GNAZ: variants seen among roughly 807,000 people sequenced by gnomAD.
The protein encoded by GNAZ is guanine nucleotide-binding protein G(z) subunit alpha.
In GNAZ, 3 loss-of-function variants were observed where a neutral mutation model predicts 25.4. That is an observed-to-expected ratio of 0.12 (90% CI 0.05 to 0.30). The LOEUF (loss-of-function observed/expected upper bound fraction) is 0.30, where lower values mean the gene tolerates loss of function less well. GNAZ is among the 10% of genes least tolerant of loss of function. GNAZ has a pLI of 1.00. For synonymous variants in GNAZ, 211 were observed against 205.7 expected (o/e 1.03, Z -0.22); for missense variants, 241 against 501.8 (o/e 0.48, Z 4.97).
intron 1 of GNAZ, among the ~76,000 whole-genome samples, chr22:23,072,041 A>G (rs1220548033): frequency 1.3e-5 from 2 of 152,108 alleles, no homozygotes; most frequent in South Asian, 4.1e-4. Context: ...AAGCAGTTCC[A>G]TGACCCCATG....
At chr22:23,101,243 C>T (rs114782378) in intron 2 of GNAZ, among the ~76,000 whole-genome samples, 185 of 151,624 alleles carry the variant, frequency 1.2e-3, no homozygotes, top group East Asian at 4.2e-3. Flanking sequence ...CTTCACATAC[C>T]GCAGGGCTGA....
chr22:23,094,277 G>A (rs1044748754), intron 1 of GNAZ, among the ~76,000 whole-genome samples: 5 of 152,148 alleles, frequency 3.3e-5, no homozygotes, highest in Non-Finnish European at 5.9e-5. Context: ...GCTCACAGCC[G>A]GGGAAGAAGC....
At chr22:23,097,907 C>T (rs1430081587) in intron 2 of GNAZ, among the ~76,000 whole-genome samples, 4 of 152,244 alleles carry the variant, frequency 2.6e-5, no homozygotes, top group South Asian at 2.1e-4. Context: ...GCAAATTCCC[C>T]GGGCACCAGG....
At chr22:23,111,285 C>T (rs908826806) in intron 2 of GNAZ, among the ~76,000 whole-genome samples, 1 of 152,216 alleles carries the variant, frequency 6.6e-6, no homozygotes, top group African/African-American at 2.4e-5. Flanking sequence ...AGAGGCTCTC[C>T]TGTGACGTGG....
intron 1 of GNAZ, among the ~76,000 whole-genome samples, chr22:23,074,777 C>A (rs2146251088): frequency 6.6e-6 from 1 of 152,238 alleles, no homozygotes; most frequent in East Asian, 1.9e-4. Context: ...AAGAGCGGGT[C>A]CCAGAGAGCA....
At chr22:23,096,989 G>C (rs1417849501) in intron 2 of GNAZ, among the ~76,000 whole-genome samples, 1 of 152,254 alleles carries the variant, frequency 6.6e-6, no homozygotes, top group Non-Finnish European at 1.5e-5. Context: ...GGGGAGCCGG[G>C]TGAAGCAGCA....
chr22:23,120,203 A>G (rs758458490), intron 2 of GNAZ, among the ~76,000 whole-genome samples: 1 of 152,180 alleles, frequency 6.6e-6, no homozygotes, highest in Non-Finnish European at 1.5e-5. Flanking sequence ...AGGGTCCCCA[A>G]GGTCCACTGA....
Position 23,095,624 on chromosome 22 carries a change from CAGTG to C in GNAZ, c.-71_-68del. Reference sequence around the variant, plus strand: ...AGCTGGGCTCTTGTCTGCCTGGTCTCAGTGTCCCCTGTGGCAAGAGGGAGAGGTG... The same window carrying C: ...AGCTGGGCTCTTGTCTGCCTGGTCTCTCCCCTGTGGCAAGAGGGAGAGGTG... On this transcript the variant is annotated 5_prime_UTR_variant, in exon 2 of 3. Coordinates refer to ENST00000615612, the MANE Select transcript of GNAZ (RefSeq NM_002073.4). The C allele has an allele frequency of 6.6e-7, 1 of 1,510,510 alleles. No homozygotes were observed. Among genetic ancestry groups the C allele is most frequent in the Non-Finnish European group, 8.9e-7 (1 of 1,126,144 alleles). 93.6% of individuals were successfully genotyped at this position (1,510,510 alleles called of 1,614,324 possible).
chr22:23,078,502 C>A (rs1038622697), intron 1 of GNAZ, among the ~76,000 whole-genome samples: 1 of 152,240 alleles, frequency 6.6e-6, no homozygotes, highest in Non-Finnish European at 1.5e-5. Context: ...TCTGTCGTGG[C>A]TCCTGGAGTG....
Position 23,124,449 on chromosome 22 carries a change from G to A in GNAZ, c.*1018G>A, listed in dbSNP as rs755421698. 3.6e-5 allele frequency: 17 copies of A among 467,870 alleles called. No individual in the cohort carries two copies. In the East Asian group the frequency reaches 4.2e-4, roughly 11 times the overall value. 29.0% of individuals were successfully genotyped at this position (467,870 alleles called of 1,614,324 possible). The stretch of plus-strand genomic sequence containing the variant: ...GTCCTGCGCCAGCCTCGCGGGACAC[G>A]TGTTGTACATAAGCCTCTGCAGTGT... On this transcript the variant is annotated 3_prime_UTR_variant, in exon 3 of 3. Transcript: ENST00000615612.
intron 2 of GNAZ, among the ~76,000 whole-genome samples, chr22:23,114,128 C>T (rs62220912): frequency 6.6e-6 from 1 of 152,222 alleles, no homozygotes; most frequent in African/African-American, 2.4e-5. Context: ...GCCTGGTACT[C>T]GGTGGCCCTG....
chr22:23,083,498 C>T (rs1483466322), intron 1 of GNAZ, among the ~76,000 whole-genome samples: 2 of 152,156 alleles, frequency 1.3e-5, no homozygotes, highest in African/African-American at 4.8e-5. Flanking sequence ...GGTGTTCCTC[C>T]ATCTATCCAT....
At chr22:23,122,805 A>G (rs2070069598) in intron 2 of GNAZ, 1 of 490,588 alleles carries the variant, frequency 2.0e-6, no homozygotes. Flanking sequence ...TGTAGCCCCA[A>G]AGCTATATGT....
chr22:23,118,560 G>A (rs1202721538), intron 2 of GNAZ, among the ~76,000 whole-genome samples: 3 of 150,280 alleles, frequency 2.0e-5, no homozygotes, highest in Non-Finnish European at 4.5e-5. Flanking sequence ...TGTGGCAGTT[G>A]GAAAATACCA....
chr22:23,089,854 C>T (rs2068917462), intron 1 of GNAZ, among the ~76,000 whole-genome samples: 1 of 152,208 alleles, frequency 6.6e-6, no homozygotes, highest in Non-Finnish European at 1.5e-5. Flanking sequence ...GATGGAGCTC[C>T]TTAAGAGCCT....
intron 2 of GNAZ, among the ~76,000 whole-genome samples, chr22:23,098,833 C>T (rs1412158847): frequency 3.9e-5 from 6 of 152,318 alleles, no homozygotes; most frequent in South Asian, 4.1e-4. Context: ...AGAGTGGTGC[C>T]GGCAGTGAGG....
intron 2 of GNAZ, 112 bp downstream of exon 2, chr22:23,096,530 A>G (rs1350489063): frequency 2.2e-5 from 25 of 1,145,776 alleles, no homozygotes; most frequent in Non-Finnish European, 3.1e-5. Flanking sequence ...AACCAGGCGC[A>G]GGCCTGGCCC....
Position 23,095,872 on chromosome 22 carries a change from C to A in GNAZ, c.177C>A (p.Gly59=). The A allele has an allele frequency of 6.2e-7, 1 of 1,613,692 alleles. No homozygotes were observed. Among genetic ancestry groups the A allele is most frequent in the South Asian group, 1.1e-5 (1 of 91,084 alleles). ...IVKQMKIIHS[G]GFNLEACKEY... is the part of the protein sequence containing the mutation. ...AACAGATGAAGATCATCCACAGCGGCGGCTTCAACCTGGAGGCCTGCAAGG... is the reference window on the plus strand; with the variant it reads ...AACAGATGAAGATCATCCACAGCGGAGGCTTCAACCTGGAGGCCTGCAAGG... Residue 59 remains glycine, a synonymous_variant, in exon 2 of 3, where the codon GGC becomes GGA. Coordinates refer to ENST00000615612, the MANE Select transcript of GNAZ (RefSeq NM_002073.4).
chr22:23,099,497 T>C (rs2069232109), intron 2 of GNAZ, among the ~76,000 whole-genome samples: 1 of 152,238 alleles, frequency 6.6e-6, no homozygotes. Flanking sequence ...AGGGGGTTTT[T>C]CTGGCGCACC....
Sources: gnomAD v4.1 joint callset for allele counts (sites outside exome capture counted in the v4.1 genomes callset) on GRCh38, gnomAD v4.1.1 for gene constraint, MANE v1.5 for transcripts, NCBI Gene and HGNC (gene_info 2026-07-23, HGNC 2026-07-21) for gene names.